The following CLK3 variants were observed in gnomAD, a reference collection of about 807,000 sequenced individuals.
CLK3 encodes the protein CDC like kinase 3.
CLK3 carries 24 observed loss-of-function variants against 65.2 expected under a neutral mutation model. That is an observed-to-expected ratio of 0.37 (90% confidence interval 0.27 to 0.52). The LOEUF is 0.52. Among genes scored for constraint, CLK3 ranks in the 20% least tolerant of loss-of-function variants. The pLI, the probability that CLK3 is intolerant of heterozygous loss-of-function variation, is 0.92. For synonymous variants in CLK3, 252 were observed against 240.8 expected (o/e 1.05, Z -0.43); for missense variants, 506 against 660.0 (o/e 0.77, Z 2.56).
rs2141542625 is a variant in CLK3 at position 74,621,120 on chromosome 15, T to C, written c.369+895T>C. On this transcript the variant is annotated intron_variant, in intron 3 of 12. Coordinates refer to ENST00000395066, the MANE Select transcript of CLK3 (RefSeq NM_001130028.2). This position sits in a 1 kb window ranked among gnomAD's most constrained non-coding sequence, Gnocchi z 4.8. ...GGAGCAGTGGAGAGGCCAGGTGTCT[T>C]CTCTGCCCAGCGCTTTCTGTGACTT... is the stretch of plus-strand genomic sequence containing the variant. The C allele has an allele frequency of 6.5e-6, 1 of 152,684 alleles. No individual in the cohort carries two copies. Among genetic ancestry groups the C allele is most frequent in the Non-Finnish European group, 1.5e-5 (1 of 68,258 alleles). The allele number at this position is 152,684 out of a possible 1,614,324, so 9.5% of individuals were successfully genotyped here.
In CLK3 at chr15:74,629,754, G is replaced by T. The variant is rs764557913; in HGVS notation, c.1344G>T (p.Leu448=). ...DSLEHVQLFD[L]MRRMLEFDPA... ...TGGAGCACGTGCAGCTGTTTGACCT[G>T]ATGAGGAGGATGTTAGAATTTGACC... The change falls in exon 13 of 13, where the codon CTG becomes CTT. Residue 448 remains leucine, a synonymous_variant. Transcript: ENST00000395066. The T allele has an allele frequency of 6.2e-7, 1 of 1,613,470 alleles. No homozygotes were observed. The highest frequency in any genetic ancestry group is 1.3e-5 in the African/African-American group (1 of 74,878).
At chr15:74,625,670 C>A in intron 6 of CLK3, 132 bp from the exon 7 acceptor site, 2 of 875,960 alleles carry the variant, frequency 2.3e-6, no homozygotes, top group South Asian at 1.6e-5. Flanking sequence ...ATTTCTCTTG[C>A]ACTGTGTGTA....
Position 74,625,030 on chromosome 15 carries a change from C to T in CLK3, c.650+12C>T, listed in dbSNP as rs1019129730. Reference sequence around the variant, plus strand: ...AAAGAAAACAAGTTGTGAGTATCTGCAAGGAGTGGGAGGGAAGCCTTCAGT... The same window carrying T: ...AAAGAAAACAAGTTGTGAGTATCTGTAAGGAGTGGGAGGGAAGCCTTCAGT... On this transcript the variant is annotated intron_variant, in intron 6 of 12. Transcript: ENST00000395066. The T allele has an allele frequency of 6.3e-7, 1 of 1,594,822 alleles. No individual in the cohort carries two copies. Among genetic ancestry groups the T allele is most frequent in the African/African-American group, 1.3e-5 (1 of 74,602 alleles).
chr15:74,611,095 G>C (rs558602486), upstream of CLK3, among the ~76,000 whole-genome samples: 2 of 152,214 alleles, frequency 1.3e-5, no homozygotes, highest in African/African-American at 4.8e-5. Context: ...AGGGACCCTG[G>C]CCCTTCCTTC....
chr15:74,615,787 G>C, upstream of CLK3: 1 of 1,243,664 alleles, frequency 8.0e-7, no homozygotes, highest in Non-Finnish European at 1.0e-6. Flanking sequence ...GGCTGGCGAC[G>C]GCTGCGTCAC....
At chr15:74,617,212 C>T (rs1382393312) in intron 1 of CLK3, among the ~76,000 whole-genome samples, 2 of 152,172 alleles carry the variant, frequency 1.3e-5, no homozygotes, top group East Asian at 3.8e-4. Context: ...CCTAGAGTGA[C>T]TTGTCTAAGG....
chr15:74,622,762 T>C lies in CLK3; in HGVS notation c.533+202T>C, dbSNP rs963284074. Among the ~76,000 whole-genome samples the C allele has an allele frequency of 2.6e-5, 4 of 152,308 alleles. No homozygotes were observed. The highest frequency in any genetic ancestry group is 9.6e-5 in the African/African-American group (4 of 41,568). ...GAGAAATTCTTGGGTCCTGCAGTTA[T>C]GTGGCATCCCTACCCAAGAATTGTT... On this transcript the variant is annotated intron_variant, in intron 5 of 12. Coordinates refer to ENST00000395066, the MANE Select transcript of CLK3 (RefSeq NM_001130028.2). The surrounding 1 kb of genome is among the most constrained non-coding windows in gnomAD (Gnocchi z 4.6).
intron 3 of CLK3, 112 bp downstream of exon 3, chr15:74,620,337 G>A: frequency 2.3e-5 from 32 of 1,373,676 alleles, no homozygotes; most frequent in Non-Finnish European, 2.9e-5. Flanking sequence ...CACGTGCACT[G>A]GTGTGCGTGC....
intron 1 of CLK3, among the ~76,000 whole-genome samples, chr15:74,616,589 C>T (rs1248206075): frequency 6.6e-6 from 1 of 152,252 alleles, no homozygotes; most frequent in Admixed American, 6.5e-5. Context: ...TGGAAATTGC[C>T]TGAACCAGGC....
Position 74,627,232 on chromosome 15 carries a change from C to G in CLK3, c.818-120C>G. Reference sequence around the variant, plus strand: ...AGGCAGGCTGTAGTCCAGCTCCCTGCTGAGGTGGGGGTGTGAGGACCTCTG... The same window carrying G: ...AGGCAGGCTGTAGTCCAGCTCCCTGGTGAGGTGGGGGTGTGAGGACCTCTG... On this transcript the variant is annotated intron_variant, in intron 7 of 12. Transcript: ENST00000395066. This position sits in a 1 kb window ranked among gnomAD's most constrained non-coding sequence, Gnocchi z 4.3. The G allele has an allele frequency of 1.2e-6, 1 of 800,430 alleles. No individual in the cohort carries two copies. Among genetic ancestry groups the G allele is most frequent in the Non-Finnish European group, 2.2e-6 (1 of 452,602 alleles). The allele number at this position is 800,430 out of a possible 1,614,324, so 49.6% of individuals were successfully genotyped here. A position where few individuals can be genotyped will look rare whatever the true frequency, so the allele number is the denominator to read the frequency against.
chr15:74,613,493 AG>A (rs2062017116), upstream of CLK3: 1 of 152,174 alleles, frequency 6.6e-6, no homozygotes, highest in Admixed American at 6.5e-5. Flanking sequence ...GTAGAATCTC[AG>A]GCAGGATGGC....
At chr15:74,614,938 C>A (rs1218804444), upstream of CLK3, 2 of 153,544 alleles carry the variant, frequency 1.3e-5, no homozygotes, top group African/African-American at 4.8e-5. Flanking sequence ...GGACGCCACT[C>A]CCAGACCGGG....
chr15:74,620,176 CCCA>C lies in CLK3; in HGVS notation c.325_327del (p.His109del). The C allele has an allele frequency of 6.2e-7, 1 of 1,614,044 alleles. No homozygotes were observed. The highest frequency in any genetic ancestry group is 8.5e-7 in the Non-Finnish European group (1 of 1,180,038). On this transcript the variant is annotated inframe_deletion, in exon 3 of 13. Transcript: ENST00000395066. ...GGGCCATACCGGACCCGCAAGCATG[CCCA>C]CCACTGCCACAAACGCCGCACCAGG...
rs1364397833 is a variant in CLK3, at chr15:74,619,304, C to T, written c.108C>T (p.Tyr36=). The T allele has an allele frequency of 1.2e-6, 2 of 1,614,148 alleles. No homozygotes were observed. The highest frequency in any genetic ancestry group is 3.3e-5 in the Admixed American group (2 of 60,028). The change falls in exon 2 of 13, where the codon TAC becomes TAT. Residue 36 remains tyrosine (Y), a synonymous_variant. Coordinates refer to ENST00000395066, the MANE Select transcript of CLK3 (RefSeq NM_001130028.2). ...YSREHEGRLR[Y]PSRREPPPRR... ...GGGAACATGAAGGGAGACTGCGATA[C>T]CCGTCCCGAAGGGAGCCTCCCCCAC... is the stretch of plus-strand genomic sequence containing the variant.
At position 74,624,917 on chromosome 15, in the gene CLK3, T is replaced by C; in HGVS notation, c.549T>C (p.Val183=). 2 of 1,606,708 alleles carry C rather than the reference T, an allele frequency of 1.2e-6. No individual in the cohort carries two copies. The highest frequency in any genetic ancestry group is 1.3e-5 in the African/African-American group (1 of 74,958). The change falls in exon 6 of 13, where the codon GTT becomes GTC. Residue 183 remains valine, a synonymous_variant. Coordinates refer to ENST00000395066, the MANE Select transcript of CLK3 (RefSeq NM_001130028.2). This position sits in a 1 kb window ranked among gnomAD's most constrained non-coding sequence, Gnocchi z 4.2. Reference sequence around the variant, plus strand: ...CGGGTACCAGAGGGAAGTCTCAGGTTGCCCTGAAGATCATCCGCAACGTGG... The same window carrying C: ...CGGGTACCAGAGGGAAGTCTCAGGTCGCCCTGAAGATCATCCGCAACGTGG... ...CLDHARGKSQ[V]ALKIIRNVGK...
Position 74,625,955 on chromosome 15 carries a change from C to T in CLK3, c.804C>T (p.Cys268=). ...PHVRHMAYQL[C]HALRFLHENQ... is the part of the protein sequence containing the mutation. ...TCCGGCACATGGCCTACCAGCTCTG[C>T]CACGCCCTTAGATGTAAGTGTCCAC... Residue 268 remains cysteine (C), a synonymous_variant, in exon 7 of 13, where the codon TGC becomes TGT. Coordinates refer to ENST00000395066, the MANE Select transcript of CLK3 (RefSeq NM_001130028.2). The T allele has an allele frequency of 1.2e-6, 2 of 1,614,116 alleles. No homozygotes were observed. The highest frequency in any genetic ancestry group is 8.5e-7 in the Non-Finnish European group (1 of 1,179,974).
chr15:74,617,173 T>G (rs2062067254), intron 1 of CLK3, among the ~76,000 whole-genome samples: 1 of 152,192 alleles, frequency 6.6e-6, no homozygotes, highest in East Asian at 1.9e-4. Flanking sequence ...AGAGATGTTA[T>G]CTCCATTTTC....
chr15:74,626,113 C>T lies in CLK3; in HGVS notation c.817+145C>T, dbSNP rs78965156. Reference sequence around the variant, plus strand: ...CACCAGATCCCCTTTGGCGGAAAGGCCTGTCTTTGGGTGGGAATCTCAGTG... The same window carrying T: ...CACCAGATCCCCTTTGGCGGAAAGGTCTGTCTTTGGGTGGGAATCTCAGTG... On this transcript the variant is annotated intron_variant, in intron 7 of 12. Coordinates refer to ENST00000395066, the MANE Select transcript of CLK3 (RefSeq NM_001130028.2). 7,911 of 966,626 alleles carry T rather than the reference C, an allele frequency of 8.2e-3. 448 individuals carry two copies. The African/African-American group carries it at 0.12, about 14-fold the overall frequency. 59.9% of individuals were successfully genotyped at this position (966,626 alleles called of 1,614,324 possible).
Position 74,621,745 on chromosome 15 carries a change from CGGA to C in CLK3, c.370-360_370-358del, listed in dbSNP as rs148967207. On this transcript the variant is annotated intron_variant, in intron 3 of 12. Transcript: ENST00000395066. This position sits in a 1 kb window ranked among gnomAD's most constrained non-coding sequence, Gnocchi z 4.8. The stretch of plus-strand genomic sequence containing the variant: ...TGGGAGGGTCTGGGAGGGAGAGACT[CGGA>C]GGAGGAGGAGGAGGGAGTCGGGGCG... The C allele has an allele frequency of 5.3e-3, 1,877 of 351,190 alleles. 21 individuals are homozygous for C. The highest frequency in any genetic ancestry group is 0.034 in the African/African-American group (1,603 of 46,700). The allele number at this position is 351,190 out of a possible 1,614,324, so 21.8% of individuals were successfully genotyped here. A position where few individuals can be genotyped will look rare whatever the true frequency, so the allele number is the denominator to read the frequency against.
Sources: allele counts gnomAD v4.1 joint callset (sites outside exome capture counted in the v4.1 genomes callset), GRCh38; gene constraint gnomAD v4.1.1; non-coding constraint Gnocchi (gnomAD v3.1); transcripts MANE v1.5; gene names NCBI Gene and HGNC (gene_info 2026-07-23, HGNC 2026-07-21).